LRRIQ1: variants seen among roughly 807,000 people sequenced by gnomAD.
LRRIQ1 encodes the protein leucine-rich repeat- and IQ domain-containing protein 1.
In LRRIQ1, 210 loss-of-function variants were observed where a neutral mutation model predicts 211.9. That is an observed-to-expected ratio of 0.99 (90% CI 0.89 to 1.11). The LOEUF (loss-of-function observed/expected upper bound fraction) is 1.11. Among genes scored for constraint, LRRIQ1 ranks in the 50% most tolerant of loss-of-function variants. LRRIQ1 has a pLI of 0.00. For missense variants in LRRIQ1, 2,136 were observed against 1,939.5 expected, an observed-to-expected ratio of 1.10 and a Z score of -1.90; for synonymous variants, 699 against 650.1, an observed-to-expected ratio of 1.08 and a Z score of -1.14.
chr12:85,170,344 G>A lies in LRRIQ1; in HGVS notation c.4822+9630G>A, dbSNP rs185010520. Among the ~76,000 whole-genome samples the A allele has an allele frequency of 7.8e-3, 1,177 of 150,922 alleles. 8 individuals are homozygous for A. The highest frequency in any genetic ancestry group is 0.012 in the Non-Finnish European group (808 of 67,616). ...CATCACATAATAAAGGAAAAAGAAA[G>A]GAAATAAAATGAAGATATTTTCTTA... On this transcript the variant is annotated intron_variant, in intron 24 of 26. Transcript: ENST00000393217.
At chr12:85,062,609 C>G (rs1029916535) in intron 8 of LRRIQ1, among the ~76,000 whole-genome samples, 43 of 151,104 alleles carry the variant, frequency 2.8e-4, no homozygotes, top group African/African-American at 1.0e-3. Context: ...TGTTGATGAG[C>G]ATCTGGGTTG....
intron 26 of LRRIQ1, 32 bp from the exon 27 acceptor site, chr12:85,244,757 T>C (rs759677283): frequency 2.5e-6 from 4 of 1,592,644 alleles, no homozygotes; most frequent in Admixed American, 3.4e-5. Context: ...TTTTGTTTCA[T>C]GATTGTATAC....
intron 24 of LRRIQ1, among the ~76,000 whole-genome samples, chr12:85,196,216 A>G (rs1329666005): frequency 6.6e-6 from 1 of 152,166 alleles, no homozygotes; most frequent in Non-Finnish European, 1.5e-5. Context: ...GCTCATGGGT[A>G]GGAAGAATCA....
At chr12:85,078,446 T>G (rs2136145098) in intron 11 of LRRIQ1, among the ~76,000 whole-genome samples, 1 of 152,286 alleles carries the variant, frequency 6.6e-6, no homozygotes, top group African/African-American at 2.4e-5. Flanking sequence ...CAGGACAGCC[T>G]ACTTCAGAAC....
At chr12:85,239,650 C>G (rs1181601831) in intron 26 of LRRIQ1, among the ~76,000 whole-genome samples, 3 of 151,786 alleles carry the variant, frequency 2.0e-5, no homozygotes, top group African/African-American at 4.8e-5. Context: ...TTAAGATGAA[C>G]TATGAGCCTA....
At chr12:85,040,680 T>C in intron 3 of LRRIQ1, 79 bp downstream of exon 3, 1 of 760,310 alleles carries the variant, frequency 1.3e-6, no homozygotes, top group Non-Finnish European at 2.2e-6. Flanking sequence ...ACTAAAGTGC[T>C]TAAAGTTCTT....
downstream of LRRIQ1, among the ~76,000 whole-genome samples, chr12:85,265,669 T>A (rs565392900): frequency 6.6e-5 from 10 of 152,100 alleles, no homozygotes; most frequent in East Asian, 3.9e-4. Context: ...TCAGCTGAGA[T>A]AAAGTGTAAG....
At chr12:85,043,146 A>G (rs1879103033) in intron 3 of LRRIQ1, among the ~76,000 whole-genome samples, 1 of 152,096 alleles carries the variant, frequency 6.6e-6, no homozygotes, top group African/African-American at 2.4e-5. Flanking sequence ...GATGTTCTGA[A>G]TATTTATTGC....
At chr12:85,068,452 A>G (rs909185483) in intron 10 of LRRIQ1, among the ~76,000 whole-genome samples, 7 of 151,880 alleles carry the variant, frequency 4.6e-5, no homozygotes, top group African/African-American at 1.7e-4. Flanking sequence ...ATTCCATATA[A>G]CCATTAGTTA....
intron 24 of LRRIQ1, among the ~76,000 whole-genome samples, chr12:85,200,478 A>G (rs1284448408): frequency 1.3e-5 from 2 of 152,132 alleles, no homozygotes; most frequent in Non-Finnish European, 2.9e-5. Flanking sequence ...TGCCCTGACC[A>G]TGACTTCCAG....
chr12:85,145,496 T>G (rs1296756549), intron 19 of LRRIQ1, among the ~76,000 whole-genome samples: 2 of 151,610 alleles, frequency 1.3e-5, no homozygotes, highest in African/African-American at 2.4e-5. Flanking sequence ...GGATCTGAGA[T>G]TTTATCCTAC....
chr12:85,226,147 A>G (rs1894640850), intron 24 of LRRIQ1, among the ~76,000 whole-genome samples: 2 of 152,286 alleles, frequency 1.3e-5, no homozygotes, highest in South Asian at 4.2e-4. Context: ...AGTGTTTATG[A>G]AGTGTTATTG....
chr12:85,150,150 G>A (rs1823882113), intron 19 of LRRIQ1, among the ~76,000 whole-genome samples: 1 of 151,742 alleles, frequency 6.6e-6, no homozygotes, highest in South Asian at 2.1e-4. Context: ...CAGTGTAAGA[G>A]TCAGGCAACT....
intron 11 of LRRIQ1, among the ~76,000 whole-genome samples, chr12:85,083,053 G>C (rs537016439): frequency 2.0e-5 from 3 of 152,198 alleles, no homozygotes; most frequent in African/African-American, 7.2e-5. Flanking sequence ...CCACTCTACT[G>C]AATATTGAGA....
intron 23 of LRRIQ1, among the ~76,000 whole-genome samples, chr12:85,159,342 A>G (rs939785161): frequency 9.9e-5 from 15 of 152,090 alleles, no homozygotes; most frequent in African/African-American, 3.6e-4. Flanking sequence ...TTTTATGAAG[A>G]ATGTAAGTTT....
intron 26 of LRRIQ1, among the ~76,000 whole-genome samples, chr12:85,241,029 C>T (rs1410607916): frequency 1.3e-5 from 2 of 151,832 alleles, no homozygotes; most frequent in African/African-American, 2.4e-5. Context: ...GAACTGCAAA[C>T]AAGAAAAAAT....
intron 11 of LRRIQ1, among the ~76,000 whole-genome samples, chr12:85,077,802 T>C (rs1883823630): frequency 6.6e-6 from 1 of 151,952 alleles, no homozygotes; most frequent in Admixed American, 6.6e-5. Flanking sequence ...TGAGACCTCA[T>C]TTCTACTAAA....
chr12:85,249,040 A>G (rs1565928023), downstream of LRRIQ1, among the ~76,000 whole-genome samples: 4 of 151,858 alleles, frequency 2.6e-5, no homozygotes, highest in South Asian at 6.2e-4. Context: ...AAACTAAACT[A>G]TTTGTTAAGG....
chr12:85,202,357 C>T (rs771331318), intron 24 of LRRIQ1, among the ~76,000 whole-genome samples: 10 of 152,080 alleles, frequency 6.6e-5, no homozygotes, highest in South Asian at 2.1e-4. Context: ...TCTGCCTTAA[C>T]GATCAATCTA....
Sources: allele counts gnomAD v4.1 joint callset (sites outside exome capture counted in the v4.1 genomes callset), GRCh38; gene constraint gnomAD v4.1.1; transcripts MANE v1.5; gene names NCBI Gene and HGNC (gene_info 2026-07-23, HGNC 2026-07-21).